TRPM7: variants seen among roughly 807,000 people sequenced by gnomAD.
TRPM7 encodes LTRPC ion channel family member 7.
Under a neutral mutation model 229.7 loss-of-function variants are expected in TRPM7, and 134 were observed. The observed-to-expected ratio is 0.58, with a 90% CI of 0.51 to 0.67. The LOEUF (loss-of-function observed/expected upper bound fraction) is 0.67. Ranked by LOEUF, TRPM7 falls within the 30% of genes least tolerant of loss-of-function variation. The pLI is 0.00. For synonymous variants in TRPM7, 699 were observed against 715.2 expected (o/e 0.98, Z 0.36); for missense variants, 1,901 against 2,210.0 (o/e 0.86, Z 2.80).
At chr15:50,611,513 T>G (rs1306739939) in intron 16 of TRPM7, among the ~76,000 whole-genome samples, 192 bp from the exon 17 acceptor site, 5 of 152,346 alleles carry the variant, frequency 3.3e-5, no homozygotes, top group Non-Finnish European at 5.9e-5. Context: ...TTAAAATATG[T>G]CGCATTATGT....
intron 8 of TRPM7, among the ~76,000 whole-genome samples, 170 bp downstream of exon 8, chr15:50,634,212 T>C (rs951224909): frequency 7.9e-5 from 12 of 151,962 alleles, no homozygotes; most frequent in African/African-American, 2.2e-4. Flanking sequence ...TCCCAGCTAA[T>C]TGGGAGGCTG....
intron 13 of TRPM7, among the ~76,000 whole-genome samples, chr15:50,617,166 AT>A (rs1239099636): frequency 7.3e-5 from 11 of 149,754 alleles, no homozygotes; most frequent in African/African-American, 2.7e-4. Context: ...AAATAAATAA[AT>A]AAATAAATAA....
chr15:50,651,204 A>C (rs1160454978), intron 3 of TRPM7, among the ~76,000 whole-genome samples: 2 of 151,978 alleles, frequency 1.3e-5, no homozygotes, highest in Non-Finnish European at 2.9e-5. Flanking sequence ...TAAATAAATA[A>C]AAATTTCAAA....
In TRPM7 at chr15:50,609,635, C is replaced by T. The variant is rs756349882; in HGVS notation, c.2526G>A (p.Thr842=). ...IQMKSKKLPI[T]RKFYAFYHAP... ...CATGATAAAAGGCATAAAACTTTCG[C>T]GTAATTGGAAGCTTTTTTGATTTCA... Residue 842 remains threonine (T), a synonymous_variant, in exon 19 of 39, where the codon ACG becomes ACA. Coordinates refer to ENST00000646667, the MANE Select transcript of TRPM7 (RefSeq NM_017672.6). 33 of 1,612,140 alleles carry T rather than the reference C, an allele frequency of 2.0e-5. No individual in the cohort carries two copies. Among genetic ancestry groups the T allele is most frequent in the East Asian group, 8.9e-5 (4 of 44,776 alleles).
chr15:50,593,866 T>A (rs1489882902), intron 24 of TRPM7, 117 bp from the exon 25 acceptor site: 1 of 1,030,786 alleles, frequency 9.7e-7, no homozygotes, highest in Non-Finnish European at 1.4e-6. Context: ...CTGCACTTTT[T>A]AAACTTTTAC....
chr15:50,610,628 T>C (rs2060040570), intron 17 of TRPM7, among the ~76,000 whole-genome samples: 3 of 152,312 alleles, frequency 2.0e-5, no homozygotes, highest in Admixed American at 1.3e-4. Context: ...CATGCCATTT[T>C]ACCCAAATTT....
At chr15:50,615,695 A>G (rs2060203855) in intron 13 of TRPM7, among the ~76,000 whole-genome samples, 1 of 151,948 alleles carries the variant, frequency 6.6e-6, no homozygotes, top group Non-Finnish European at 1.5e-5. Context: ...CAGGAGTTTG[A>G]GACTATCCTA....
At chr15:50,585,461 T>C (rs577445415) in intron 28 of TRPM7, among the ~76,000 whole-genome samples, 10 of 152,368 alleles carry the variant, frequency 6.6e-5, no homozygotes, top group African/African-American at 1.9e-4. Context: ...GGGCTTTCAA[T>C]AGTTCACTAT....
intron 1 of TRPM7, 97 bp downstream of exon 1, chr15:50,686,434 T>C (rs2062362430): frequency 8.1e-6 from 13 of 1,601,118 alleles, no homozygotes; most frequent in Non-Finnish European, 1.1e-5. Flanking sequence ...CTTCGCCGCA[T>C]GGAACGCGGC....
chr15:50,685,845 C>A (rs8035851), intron 1 of TRPM7, among the ~76,000 whole-genome samples: 81,956 of 151,980 alleles, frequency 0.54, 22,308 homozygotes, highest in Admixed American at 0.62. Flanking sequence ...GCAAGGGATG[C>A]GGTAGTTCGA....
intron 12 of TRPM7, among the ~76,000 whole-genome samples, chr15:50,622,333 A>G (rs971475872): frequency 2.0e-5 from 3 of 152,226 alleles, no homozygotes; most frequent in Non-Finnish European, 4.4e-5. Context: ...GCAAGCCCTT[A>G]AATGTTTTAA....
intron 1 of TRPM7, among the ~76,000 whole-genome samples, chr15:50,664,549 A>C (rs2061830780): frequency 6.6e-6 from 1 of 152,212 alleles, no homozygotes; most frequent in Non-Finnish European, 1.5e-5. Flanking sequence ...TATAATCTTA[A>C]ATATGATTAA....
chr15:50,607,216 A>G lies in TRPM7; in HGVS notation c.2693T>C (p.Ile898Thr). Reference protein sequence around the residue: ...IVIAYIFTYAIEKVREIFMSE... With the variant: ...IVIAYIFTYATEKVREIFMSE... ...AAGACATACCTCACGGACTTTCTCA[A>G]TGGCATAAGTAAAAATATAAGCAAT... Residue 898 changes from isoleucine to threonine, a missense_variant, in exon 20 of 39, where the codon ATT becomes ACT. Physicochemically the swap from Ile to Thr is moderately conservative, Grantham distance 89 (BLOSUM62 -1). This residue lies in a region of TRPM7 where 207 missense variants were observed against 241.5 expected (regional missense o/e 0.86). Transcript: ENST00000646667. 6.2e-7 allele frequency: 1 copy of G among 1,609,812 alleles called. No individual in the cohort carries two copies. Among genetic ancestry groups the G allele is most frequent in the Non-Finnish European group, 8.5e-7 (1 of 1,178,564 alleles).
At chr15:50,618,340 G>T (rs2060286485) in intron 13 of TRPM7, among the ~76,000 whole-genome samples, 2 of 152,016 alleles carry the variant, frequency 1.3e-5, no homozygotes, top group Admixed American at 6.6e-5. Context: ...GGAGGCCAAG[G>T]AGGGCAGATC....
intron 23 of TRPM7, 97 bp downstream of exon 23, chr15:50,596,158 T>A (rs969834358): frequency 2.3e-5 from 19 of 840,578 alleles, no homozygotes; most frequent in Admixed American, 2.1e-4. Context: ...TAAGCCTCAA[T>A]AAAATTTTTA....
rs1031864724 is a variant in TRPM7 at position 50,686,777 on chromosome 15, G to A, written c.-244C>T. ...CAGGGACGCGCCCGCGCCCGCCTCC[G>A]CCGGCGACGGGGCTGGGGACGGACC... is the stretch of plus-strand genomic sequence containing the variant. On this transcript the variant is annotated 5_prime_UTR_variant, in exon 1 of 39. Coordinates refer to ENST00000646667, the MANE Select transcript of TRPM7 (RefSeq NM_017672.6). The A allele has an allele frequency of 8.3e-5, 37 of 447,080 alleles. No homozygotes were observed. The highest frequency in any genetic ancestry group is 1.3e-4 in the Non-Finnish European group (33 of 258,414). The allele number at this position is 447,080 out of a possible 1,614,324, so 27.7% of individuals were successfully genotyped here.
rs373367251 is a variant in TRPM7 at position 50,663,353 on chromosome 15, C to T, written c.4-307G>A. 1.5e-4 allele frequency among the ~76,000 whole-genome samples: 23 copies of T among 152,212 alleles called. No individual in the cohort carries two copies. In the Middle Eastern group the frequency reaches 0.01, roughly 68 times the overall value. ...CCATGTTGGTCAGGCTGGTAACGCCCGACCTCAGGTGATCTGCCTGCCTCG... is the reference window on the plus strand; with the variant it reads ...CCATGTTGGTCAGGCTGGTAACGCCTGACCTCAGGTGATCTGCCTGCCTCG... On this transcript the variant is annotated intron_variant, in intron 1 of 38. Transcript: ENST00000646667.
chr15:50,649,773 T>A (rs1399570400), intron 3 of TRPM7, among the ~76,000 whole-genome samples: 1 of 152,146 alleles, frequency 6.6e-6, no homozygotes, highest in African/African-American at 2.4e-5. Flanking sequence ...GATATAATCT[T>A]AAAAATCAGA....
In TRPM7 at chr15:50,686,545, G is replaced by A. The variant is rs2062364853; in HGVS notation, c.-12C>T. 2.5e-6 allele frequency: 4 copies of A among 1,610,228 alleles called. No homozygotes were observed. The highest frequency in any genetic ancestry group is 3.4e-6 in the Non-Finnish European group (4 of 1,177,928). On this transcript the variant is annotated 5_prime_UTR_variant, in exon 1 of 39. Transcript: ENST00000646667. Reference sequence around the variant, plus strand: ...GGGTCCAGTACCATTCTCCTCACGGGGCGGACTCCGGAAGGGCAGCAACTC... The same window carrying A: ...GGGTCCAGTACCATTCTCCTCACGGAGCGGACTCCGGAAGGGCAGCAACTC...
Sources: gnomAD v4.1 joint callset for allele counts (sites outside exome capture counted in the v4.1 genomes callset) on GRCh38, gnomAD v4.1.1 for gene constraint, gnomAD v4.1.1 regional missense constraint, MANE v1.5 for transcripts, NCBI Gene and HGNC (gene_info 2026-07-23, HGNC 2026-07-21) for gene names.